The following DRC11 variants were observed in gnomAD, a reference collection of about 807,000 sequenced individuals.
DRC11 encodes the protein IQ and AAA domain-containing protein 1.
chr2:236,418,942 T>C, the DRC11 span, among the ~76,000 whole-genome samples: 1 of 152,226 alleles, frequency 6.6e-6, no homozygotes, highest in African/African-American at 2.4e-5. Context: ...TTGATCCTAA[T>C]TGATACTTAC....
the DRC11 span, among the ~76,000 whole-genome samples, chr2:236,342,316 G>C: frequency 6.6e-6 from 1 of 152,190 alleles, no homozygotes; most frequent in Non-Finnish European, 1.5e-5. The surrounding 1 kb of genome is among the most constrained non-coding windows in gnomAD (Gnocchi z 5.8). Flanking sequence ...GAAGGACTAG[G>C]CTCCCTAGGT....
chr2:236,349,997 T>C, the DRC11 span, among the ~76,000 whole-genome samples: 3 of 152,222 alleles, frequency 2.0e-5, no homozygotes, highest in Non-Finnish European at 4.4e-5. This position sits in a 1 kb window ranked among gnomAD's most constrained non-coding sequence, Gnocchi z 5.5. Context: ...ATAGTGCCTA[T>C]TGGGGCCTCT....
chr2:236,403,554 T>C, the DRC11 span, among the ~76,000 whole-genome samples: 1 of 152,120 alleles, frequency 6.6e-6, no homozygotes, highest in African/African-American at 2.4e-5. Flanking sequence ...ATATGTGATA[T>C]CCATCTGTTA....
chr2:236,466,960 T>C, the DRC11 span, among the ~76,000 whole-genome samples: 1 of 152,244 alleles, frequency 6.6e-6, no homozygotes, highest in African/African-American at 2.4e-5. Context: ...GATGTCTTCA[T>C]TTGGCCCCTC....
chr2:236,467,420 T>A, the DRC11 span, among the ~76,000 whole-genome samples: 1 of 152,258 alleles, frequency 6.6e-6, no homozygotes, highest in Non-Finnish European at 1.5e-5. Flanking sequence ...TCTTTAGCTT[T>A]ATCTTCCAGA....
chr2:236,506,541 A>G, the DRC11 span, among the ~76,000 whole-genome samples: 18 of 152,230 alleles, frequency 1.2e-4, no homozygotes, highest in Admixed American at 2.0e-4. The surrounding 1 kb of genome is among the most constrained non-coding windows in gnomAD (Gnocchi z 4.9). Flanking sequence ...GGCTGGAGCT[A>G]CAGTGCCCGG....
At chr2:236,428,674 A>T in the DRC11 span, among the ~76,000 whole-genome samples, 3 of 152,062 alleles carry the variant, frequency 2.0e-5, no homozygotes, top group African/African-American at 7.2e-5. Flanking sequence ...TGGGTAATTT[A>T]AAAAAAATCC....
chr2:236,382,686 AT>A, the DRC11 span, among the ~76,000 whole-genome samples: 449 of 152,172 alleles, frequency 3.0e-3, 3 homozygotes, highest in African/African-American at 0.01. Context: ...TATGTATTTC[AT>A]TTTTTGAGTG....
the DRC11 span, among the ~76,000 whole-genome samples, chr2:236,496,094 CTA>C: frequency 2.0e-3 from 300 of 152,282 alleles, no homozygotes; most frequent in Middle Eastern, 6.8e-3. The surrounding 1 kb of genome is among the most constrained non-coding windows in gnomAD (Gnocchi z 6.3). Context: ...GATTTAATAA[CTA>C]TTTGTTTCAC....
the DRC11 span, among the ~76,000 whole-genome samples, chr2:236,462,269 T>C: frequency 6.6e-6 from 1 of 151,942 alleles, no homozygotes; most frequent in Non-Finnish European, 1.5e-5. This position sits in a 1 kb window ranked among gnomAD's most constrained non-coding sequence, Gnocchi z 6.4. Context: ...GAGGCTTGGA[T>C]TGTGGGTGGC....
the DRC11 span, among the ~76,000 whole-genome samples, chr2:236,489,533 G>T: frequency 1.3e-5 from 2 of 152,178 alleles, no homozygotes; most frequent in African/African-American, 4.8e-5. Context: ...CTGTTCCAGA[G>T]GCCCCAGAGC....
chr2:236,354,865 AT>A, the DRC11 span, among the ~76,000 whole-genome samples: 1 of 152,082 alleles, frequency 6.6e-6, no homozygotes, highest in African/African-American at 2.4e-5. Flanking sequence ...TGGGACATGT[AT>A]CCCGGGTCCT....
At chr2:236,446,712 C>A in the DRC11 span, among the ~76,000 whole-genome samples, 1 of 152,206 alleles carries the variant, frequency 6.6e-6, no homozygotes, top group Non-Finnish European at 1.5e-5. This position sits in a 1 kb window ranked among gnomAD's most constrained non-coding sequence, Gnocchi z 6.2. Flanking sequence ...GGTGTGGGCA[C>A]CCACAGCATT....
At chr2:236,382,772 T>C in the DRC11 span, among the ~76,000 whole-genome samples, 1 of 152,218 alleles carries the variant, frequency 6.6e-6, no homozygotes, top group Admixed American at 6.5e-5. Context: ...TAATTGATTT[T>C]TGCATGTTTA....
chr2:236,459,657 A>ACG, the DRC11 span, among the ~76,000 whole-genome samples: 1 of 116,218 alleles, frequency 8.6e-6, no homozygotes, highest in Non-Finnish European at 2.0e-5. Context: ...ATATATGTAT[A>ACG]TACATACGTA....
chr2:236,450,314 C>CTTTTTTTTTTTTTTTTTTTT, the DRC11 span, among the ~76,000 whole-genome samples: 27 of 82,384 alleles, frequency 3.3e-4, no homozygotes, highest in Admixed American at 6.2e-4. Flanking sequence ...CTTTTCTTTT[C>CTTTTTTTTTTTTTTTTTTTT]TTTTTTTTTT....
the DRC11 span, among the ~76,000 whole-genome samples, chr2:236,435,605 G>C: frequency 2.6e-5 from 4 of 152,318 alleles, no homozygotes; most frequent in Non-Finnish European, 4.4e-5. Flanking sequence ...GTAGGAGAGA[G>C]AAAAAGAGAG....
chr2:236,321,854 G>A, the DRC11 span, among the ~76,000 whole-genome samples: 4 of 152,250 alleles, frequency 2.6e-5, no homozygotes, highest in African/African-American at 9.6e-5. Context: ...AGAGGGTGGG[G>A]GGGAAGTCTC....
the DRC11 span, among the ~76,000 whole-genome samples, chr2:236,357,271 A>ATATT: frequency 0.36 from 32,904 of 92,248 alleles, 5,315 homozygotes; most frequent in African/African-American, 0.52. Flanking sequence ...TTATAAATAT[A>ATATT]CATATATTAT....
Sources: allele counts gnomAD v4.1 joint callset (sites outside exome capture counted in the v4.1 genomes callset), GRCh38; gene constraint gnomAD v4.1.1; non-coding constraint Gnocchi (gnomAD v3.1); transcripts MANE v1.5; gene names NCBI Gene and HGNC (gene_info 2026-07-23, HGNC 2026-07-21).